CDH4: variants seen among roughly 807,000 people sequenced by gnomAD.
CDH4 encodes cadherin 4.
CDH4 carries 33 observed loss-of-function variants against 86.0 expected under a neutral mutation model. The observed-to-expected ratio is 0.38, with a 90% CI of 0.29 to 0.51. The LOEUF (loss-of-function observed/expected upper bound fraction) is 0.51, where lower values mean the gene tolerates loss of function less well. Ranked by LOEUF, CDH4 falls within the 20% of genes least tolerant of loss-of-function variation. The probability of loss-of-function intolerance (pLI) is 0.86; values close to 1 mark genes in which losing one functional copy is unlikely to be tolerated. For missense variants in CDH4, 1,114 were observed against 1,307.4 expected, an observed-to-expected ratio of 0.85 and a Z score of 2.28; for synonymous variants, 555 against 549.4, an observed-to-expected ratio of 1.01 and a Z score of -0.14.
At chr20:61,522,615 T>G (rs777514142) in intron 2 of CDH4, among the ~76,000 whole-genome samples, 1 of 152,234 alleles carries the variant, frequency 6.6e-6, no homozygotes, top group Non-Finnish European at 1.5e-5. Context: ...ATTGATTCAT[T>G]TTCCCCCCAG....
chr20:61,620,892 T>C (rs6089438), intron 2 of CDH4, among the ~76,000 whole-genome samples: 44,802 of 152,160 alleles, frequency 0.29, 8,005 homozygotes, highest in East Asian at 0.65. Flanking sequence ...TCCACCACCC[T>C]GGTGAGTGCC....
intron 2 of CDH4, among the ~76,000 whole-genome samples, chr20:61,634,622 C>T (rs1438903348): frequency 6.6e-6 from 1 of 152,214 alleles, no homozygotes; most frequent in Non-Finnish European, 1.5e-5. Flanking sequence ...ACTCCTGGGC[C>T]GCCCCAGCCC....
chr20:61,923,784 ACCCACAG>A, intron 10 of CDH4, 80 bp downstream of exon 10: 5 of 1,524,834 alleles, frequency 3.3e-6, no homozygotes, highest in Non-Finnish European at 4.4e-6. Flanking sequence ...ACCCCATGAA[ACCCACAG>A]CCCAGAATTC....
At chr20:61,828,954 G>A (rs189734651) in intron 4 of CDH4, among the ~76,000 whole-genome samples, 45 of 152,304 alleles carry the variant, frequency 3.0e-4, no homozygotes, top group East Asian at 5.8e-4. Context: ...CACAAGGAGC[G>A]TGCAGCCTCC....
Position 61,773,100 on chromosome 20 carries a change from G to A in CDH4, c.494G>A (p.Arg165Lys), listed in dbSNP as rs778673063. 14 of 1,612,774 alleles carry A rather than the reference G, an allele frequency of 8.7e-6. No individual in the cohort carries two copies. Among genetic ancestry groups the A allele is most frequent in the South Asian group, 4.4e-5 (4 of 90,796 alleles). The change falls in exon 4 of 16, where the codon AGG becomes AAG. Residue 165 changes from arginine to lysine, a missense_variant. By Grantham distance (26) the Arg-to-Lys change is conservative. Coordinates refer to ENST00000614565, the MANE Select transcript of CDH4 (RefSeq NM_001794.5). ...WPQHQNANGL[R>K]RRKRDWVIPP... ...CAGCACCAGAACGCCAACGGGCTGA[G>A]GCGGCGCAAACGGGACTGGGTCATC...
intron 2 of CDH4, among the ~76,000 whole-genome samples, chr20:61,345,300 A>T (rs534892749): frequency 1.3e-5 from 2 of 152,316 alleles, no homozygotes; most frequent in South Asian, 4.1e-4. Context: ...CTACTTTCTC[A>T]CCTGGAATAG....
intron 2 of CDH4, among the ~76,000 whole-genome samples, chr20:61,716,907 C>CA (rs1568773720): frequency 1.3e-5 from 2 of 152,082 alleles, no homozygotes; most frequent in African/African-American, 2.4e-5. Context: ...GCCTCTATCT[C>CA]AAAAAAATAA....
At chr20:61,387,630 A>T (rs1445445912) in intron 2 of CDH4, among the ~76,000 whole-genome samples, 2 of 152,232 alleles carry the variant, frequency 1.3e-5, no homozygotes, top group African/African-American at 4.8e-5. Context: ...AGATACACAC[A>T]GACACACAAA....
chr20:61,831,777 C>A (rs1417557399), intron 4 of CDH4, among the ~76,000 whole-genome samples: 1 of 152,232 alleles, frequency 6.6e-6, no homozygotes, highest in Non-Finnish European at 1.5e-5. Flanking sequence ...GGATTCCCAG[C>A]GTTAAGGGGA....
At chr20:61,325,136 G>A (rs537747411) in intron 2 of CDH4, among the ~76,000 whole-genome samples, 5 of 152,160 alleles carry the variant, frequency 3.3e-5, no homozygotes, top group Admixed American at 1.3e-4. Context: ...TACATCTCAC[G>A]GTGCCTGACG....
At chr20:61,255,655 A>G (rs2084094226) in intron 2 of CDH4, among the ~76,000 whole-genome samples, 1 of 152,220 alleles carries the variant, frequency 6.6e-6, no homozygotes, top group Non-Finnish European at 1.5e-5. Context: ...ATTGATTTCA[A>G]AGCGATAGAG....
chr20:61,940,536 C>G lies in CDH4; in HGVS notation c.*3593C>G, dbSNP rs577596386. 6.6e-6 allele frequency: 1 copy of G among 152,122 alleles called. No individual in the cohort carries two copies. The highest frequency in any genetic ancestry group is 2.4e-5 in the African/African-American group (1 of 41,402). The allele number at this position is 152,122 out of a possible 1,614,324, so 9.4% of individuals were successfully genotyped here. On this transcript the variant is annotated 3_prime_UTR_variant, in exon 16 of 16. Transcript: ENST00000614565. ...TGCCAGACAGTCTTGGTCCTGAACT[C>G]AGTAGACCCTTGCGGAGCGGTTGTG... is the stretch of plus-strand genomic sequence containing the variant.
chr20:61,797,468 A>G (rs1979592424), intron 4 of CDH4, among the ~76,000 whole-genome samples: 1 of 152,238 alleles, frequency 6.6e-6, no homozygotes, highest in East Asian at 1.9e-4. Flanking sequence ...GTATCAAAAC[A>G]AAACAAAACC....
rs368640903 is a variant in CDH4 at position 61,772,766 on chromosome 20, G to A, written c.397-237G>A. Reference sequence around the variant, plus strand: ...TCTTTGTTTATGGTTTCTTTTTCCCGCATTTAATTTTGTAATCGGTCTCAT... The same window carrying A: ...TCTTTGTTTATGGTTTCTTTTTCCCACATTTAATTTTGTAATCGGTCTCAT... On this transcript the variant is annotated intron_variant, in intron 3 of 15. Coordinates refer to ENST00000614565, the MANE Select transcript of CDH4 (RefSeq NM_001794.5). Among the ~76,000 whole-genome samples the A allele has an allele frequency of 1.4e-4, 21 of 151,800 alleles. No homozygotes were observed. In the East Asian group the frequency reaches 1.9e-3, roughly 14 times the overall value.
chr20:61,420,497 G>A (rs760674727), intron 2 of CDH4, among the ~76,000 whole-genome samples: 2 of 152,222 alleles, frequency 1.3e-5, no homozygotes, highest in Admixed American at 6.5e-5. Context: ...TGACTTTGTC[G>A]CCACTGAAAA....
At chr20:61,487,171 T>G (rs1832687906) in intron 2 of CDH4, among the ~76,000 whole-genome samples, 1 of 152,270 alleles carries the variant, frequency 6.6e-6, no homozygotes, top group South Asian at 2.1e-4. Flanking sequence ...GAATGTCCAG[T>G]TGTTTCAGCA....
chr20:61,570,511 G>A (rs1325750964), intron 2 of CDH4: 1 of 606,332 alleles, frequency 1.6e-6, no homozygotes, highest in East Asian at 2.8e-5. Context: ...CTCAAGGATG[G>A]GAATGAGAAG....
At chr20:61,702,628 T>C in intron 2 of CDH4, among the ~76,000 whole-genome samples, 1 of 152,226 alleles carries the variant, frequency 6.6e-6, no homozygotes, top group East Asian at 1.9e-4. Context: ...TTGCTTGTAA[T>C]TACACACTTT....
chr20:61,700,248 C>G (rs2087760632), intron 2 of CDH4, among the ~76,000 whole-genome samples: 2 of 152,196 alleles, frequency 1.3e-5, no homozygotes. Context: ...CATACATTCC[C>G]TAGATCTGCA....
Sources: gnomAD v4.1 joint callset for allele counts (sites outside exome capture counted in the v4.1 genomes callset) on GRCh38, gnomAD v4.1.1 for gene constraint, MANE v1.5 for transcripts, NCBI Gene and HGNC (gene_info 2026-07-23, HGNC 2026-07-21) for gene names.